Variants in TRPC7 observed in about 807,000 individuals in gnomAD.
The protein encoded by TRPC7 is short transient receptor potential channel 7.
Under a neutral mutation model 90.1 loss-of-function variants are expected in TRPC7, and 42 were observed. The observed-to-expected ratio is 0.47, with a 90% CI of 0.36 to 0.60. The LOEUF (loss-of-function observed/expected upper bound fraction) is 0.60. TRPC7 is among the 20% of genes least tolerant of loss of function. The pLI, the probability that TRPC7 is intolerant of heterozygous loss-of-function variation, is 0.00. For synonymous variants in TRPC7, 451 were observed against 436.3 expected (o/e 1.03, Z -0.42); for missense variants, 955 against 1,112.3 (o/e 0.86, Z 2.01).
intron 3 of TRPC7, among the ~76,000 whole-genome samples, chr5:136,307,670 G>C (rs774804090): frequency 4.6e-5 from 7 of 152,128 alleles, no homozygotes; most frequent in Non-Finnish European, 8.8e-5. Context: ...TTTGGTTAAC[G>C]CAAGCTGGGG....
intron 3 of TRPC7, among the ~76,000 whole-genome samples, chr5:136,277,010 T>C (rs35706409): frequency 0.018 from 2,803 of 152,344 alleles, 46 homozygotes; most frequent in Middle Eastern, 0.037. Flanking sequence ...GACGAGTATT[T>C]GACTCACCCT....
At chr5:136,277,371 T>A (rs1229449322) in intron 3 of TRPC7, among the ~76,000 whole-genome samples, 4 of 152,252 alleles carry the variant, frequency 2.6e-5, no homozygotes, top group Admixed American at 6.5e-5. Context: ...TGTTTATTTG[T>A]AGATAGACTT....
chr5:136,353,846 A>G (rs970895682), intron 2 of TRPC7, among the ~76,000 whole-genome samples: 1 of 152,240 alleles, frequency 6.6e-6, no homozygotes, highest in African/African-American at 2.4e-5. Context: ...AATTGTCCAC[A>G]ATTTTCATAT....
chr5:136,303,117 G>A (rs9763278), intron 3 of TRPC7, among the ~76,000 whole-genome samples: 18,377 of 151,928 alleles, frequency 0.12, 1,159 homozygotes, highest in African/African-American at 0.14. Flanking sequence ...CAATTTACTC[G>A]AAAAGGTGGC....
intron 7 of TRPC7, among the ~76,000 whole-genome samples, chr5:136,233,150 CAG>C (rs372450820): frequency 1.8e-4 from 27 of 152,272 alleles, no homozygotes; most frequent in African/African-American, 6.3e-4. Flanking sequence ...GCACACTCTT[CAG>C]AGTCTGAAAA....
At position 136,213,293 on chromosome 5, in the gene TRPC7, A is replaced by T. The variant is rs149909373; in HGVS notation, c.*142T>A. 1.3e-4 allele frequency: 111 copies of T among 832,714 alleles called. No individual in the cohort carries two copies. Among genetic ancestry groups the T allele is most frequent in the Middle Eastern group, 3.7e-4 (1 of 2,738 alleles). The allele number at this position is 832,714 out of a possible 1,614,324, so 51.6% of individuals were successfully genotyped here. ...GGCCAGCGGGCTGGAGATGTCAGTCATGCTGCAAGAGACTGAGCCAGGAGA... is the reference window on the plus strand; with the variant it reads ...GGCCAGCGGGCTGGAGATGTCAGTCTTGCTGCAAGAGACTGAGCCAGGAGA... On this transcript the variant is annotated 3_prime_UTR_variant, in exon 12 of 12. Transcript: ENST00000513104.
At chr5:136,277,911 G>A (rs1334915275) in intron 3 of TRPC7, among the ~76,000 whole-genome samples, 2 of 152,198 alleles carry the variant, frequency 1.3e-5, no homozygotes, top group Admixed American at 6.5e-5. Flanking sequence ...TTTTCCCAGC[G>A]ACATGATTCA....
chr5:136,357,380 C>T lies in TRPC7; in HGVS notation c.8G>A (p.Arg3Lys), dbSNP rs756102515. The change falls in exon 2 of 12, where the codon AGG (arginine) becomes AAG (lysine). Residue 3 changes from arginine to lysine, a missense_variant. By Grantham distance (26) the Arg-to-Lys change is conservative (BLOSUM62 2). Coordinates refer to ENST00000513104, the MANE Select transcript of TRPC7 (RefSeq NM_020389.3). ...CTGCATGTTTTTGAAGGTGCTGTTC[C>T]TCAACCTATGGGACAAGGCAAAGAT... Reference protein sequence around the residue: MLRNSTFKNMQRR... With the variant: MLKNSTFKNMQRR... 7.5e-6 allele frequency: 12 copies of T among 1,595,150 alleles called. No homozygotes were observed. The African/African-American group carries it at 1.1e-4, about 14-fold the overall frequency.
At chr5:136,351,365 T>G (rs1234039712) in intron 2 of TRPC7, among the ~76,000 whole-genome samples, 1 of 152,246 alleles carries the variant, frequency 6.6e-6, no homozygotes, top group Non-Finnish European at 1.5e-5. Context: ...TTCAAGTCAT[T>G]TCCTGCATGT....
intron 5 of TRPC7, 35 bp from the exon 6 acceptor site, chr5:136,251,917 GT>G (rs765321340): frequency 1.3e-6 from 2 of 1,572,620 alleles, no homozygotes; most frequent in Non-Finnish European, 1.7e-6. Flanking sequence ...CTCACTTTTC[GT>G]TTCTCTTGGC....
rs115176617 is a variant in TRPC7, at chr5:136,243,893, C to T, written c.1844+3578G>A. On this transcript the variant is annotated intron_variant, in intron 7 of 11. Transcript: ENST00000513104. ...CCCATCCTTTCTTCACTGTGCTTGC[C>T]GCCTCCCCACCCTTTATCCTCTTCC... 4.0e-3 allele frequency among the ~76,000 whole-genome samples: 607 copies of T among 152,168 alleles called. 3 individuals carry two copies. The highest frequency in any genetic ancestry group is 0.014 in the African/African-American group (577 of 41,522).
At chr5:136,316,444 C>T (rs1352389984) in intron 2 of TRPC7, among the ~76,000 whole-genome samples, 1 of 152,212 alleles carries the variant, frequency 6.6e-6, no homozygotes, top group Non-Finnish European at 1.5e-5. Flanking sequence ...TTAACTTTAA[C>T]AGGATCTTTT....
chr5:136,350,064 G>C (rs1014067480), intron 2 of TRPC7, among the ~76,000 whole-genome samples: 1 of 152,160 alleles, frequency 6.6e-6, no homozygotes, highest in African/African-American at 2.4e-5. Flanking sequence ...GCCCAGGTGT[G>C]TAGTGAGCTG....
intron 3 of TRPC7, among the ~76,000 whole-genome samples, chr5:136,305,596 T>C (rs1758593798): frequency 6.6e-6 from 1 of 152,186 alleles, no homozygotes. Context: ...ATAGACACTT[T>C]CACTGAATAA....
At position 136,341,640 on chromosome 5, in the gene TRPC7, C is replaced by A. The variant is rs1449731774; in HGVS notation, c.780+14968G>T. On this transcript the variant is annotated intron_variant, in intron 2 of 11. Transcript: ENST00000513104. ...TTTGGGTCCTATTTGGGTGATTTTT[C>A]ATATCATATATTCCTTTGATTAAAA... Among the ~76,000 whole-genome samples the A allele has an allele frequency of 2.6e-5, 4 of 152,248 alleles. No homozygotes were observed. The South Asian group carries it at 6.2e-4, about 24-fold the overall frequency.
At chr5:136,233,366 T>C (rs552809308) in intron 7 of TRPC7, among the ~76,000 whole-genome samples, 1 of 152,348 alleles carries the variant, frequency 6.6e-6, no homozygotes, top group East Asian at 1.9e-4. Flanking sequence ...GTTTTCCTCA[T>C]GTGAGATGCA....
Position 136,256,262 on chromosome 5 carries a change from C to G in TRPC7, c.1346-4380G>C, listed in dbSNP as rs759272673. Among the ~76,000 whole-genome samples the G allele has an allele frequency of 2.7e-4, 41 of 152,180 alleles. 1 individual carries two copies. The highest frequency in any genetic ancestry group is 1.2e-4 in the Non-Finnish European group (8 of 68,040). On this transcript the variant is annotated intron_variant, in intron 5 of 11. Transcript: ENST00000513104. ...TTCTTTGCTGCTTTTCTAACTCTGCCCACTCCTTAAGGGCTGCAGCTTTCC... is the reference window on the plus strand; with the variant it reads ...TTCTTTGCTGCTTTTCTAACTCTGCGCACTCCTTAAGGGCTGCAGCTTTCC...
chr5:136,291,569 A>G (rs1398142758), intron 3 of TRPC7, among the ~76,000 whole-genome samples: 1 of 152,238 alleles, frequency 6.6e-6, no homozygotes, highest in Admixed American at 6.5e-5. Context: ...CGGTAAAGGG[A>G]TCAATTCAAC....
chr5:136,357,193 C>T lies in TRPC7; in HGVS notation c.195G>A (p.Glu65=). Residue 65 remains glutamate, a synonymous_variant, in exon 2 of 12, where the codon GAG becomes GAA. Transcript: ENST00000513104. ...NIPVVRKMLE[E]SKTLNFNCVD... The stretch of plus-strand genomic sequence containing the variant: ...CACAGTTGAAGTTAAGGGTCTTGGA[C>T]TCCTCCAGCATTTTCCGGACCACCG... The T allele has an allele frequency of 1.9e-6, 3 of 1,614,010 alleles. No individual in the cohort carries two copies. The highest frequency in any genetic ancestry group is 1.1e-5 in the South Asian group (1 of 91,070).
Sources: allele counts gnomAD v4.1 joint callset (sites outside exome capture counted in the v4.1 genomes callset), GRCh38; gene constraint gnomAD v4.1.1; transcripts MANE v1.5; gene names NCBI Gene and HGNC (gene_info 2026-07-23, HGNC 2026-07-21).